The following CWC27 variants were observed in gnomAD, a reference collection of about 807,000 sequenced individuals.
CWC27 encodes the protein CWC27 spliceosome associated cyclophilin.
CWC27 carries 47 observed loss-of-function variants against 63.6 expected under a neutral mutation model. That is an observed-to-expected ratio of 0.74 (90% confidence interval 0.58 to 0.94). The LOEUF (loss-of-function observed/expected upper bound fraction) is 0.94. Among genes scored for constraint, CWC27 ranks in the 40% least tolerant of loss-of-function variants. CWC27 has a pLI of 0.00. For missense variants in CWC27, 495 were observed against 554.3 expected (o/e 0.89, Z 1.07); for synonymous variants, 175 against 179.8 (o/e 0.97, Z 0.22).
chr5:64,782,723 G>A (rs1743745051), intron 3 of CWC27, among the ~76,000 whole-genome samples: 1 of 152,098 alleles, frequency 6.6e-6, no homozygotes, highest in African/African-American at 2.4e-5. Flanking sequence ...TATATTAAGG[G>A]AATAGATTGC....
intron 10 of CWC27, among the ~76,000 whole-genome samples, chr5:64,867,150 A>C (rs112963114): frequency 0.03 from 4,524 of 152,184 alleles, 87 homozygotes; most frequent in Non-Finnish European, 0.049. Context: ...CCTCCTTTTC[A>C]CATATAAGAA....
intron 11 of CWC27, among the ~76,000 whole-genome samples, chr5:64,896,251 C>G (rs553270057): frequency 6.6e-6 from 1 of 152,078 alleles, no homozygotes; most frequent in African/African-American, 2.4e-5. Context: ...CAAACAAAAG[C>G]TGAAAAACAT....
chr5:64,808,611 G>A (rs1744771710), intron 10 of CWC27: 1 of 152,398 alleles, frequency 6.6e-6, no homozygotes, highest in Non-Finnish European at 1.5e-5. Context: ...ATTTTCAATA[G>A]GGATTTATTG....
At chr5:64,944,016 G>A (rs2112417854) in intron 11 of CWC27, among the ~76,000 whole-genome samples, 2 of 152,012 alleles carry the variant, frequency 1.3e-5, no homozygotes, top group Middle Eastern at 6.8e-3. Context: ...GTAGTCTTAG[G>A]TCAACTCCTC....
At chr5:64,880,976 G>A (rs1360793557) in intron 10 of CWC27, among the ~76,000 whole-genome samples, 2 of 150,612 alleles carry the variant, frequency 1.3e-5, no homozygotes, top group Non-Finnish European at 3.0e-5. Flanking sequence ...TATACTCCAA[G>A]CTTACAATTT....
At chr5:64,967,088 T>C (rs1440202213) in intron 11 of CWC27, among the ~76,000 whole-genome samples, 3 of 152,092 alleles carry the variant, frequency 2.0e-5, no homozygotes, top group Admixed American at 1.3e-4. Flanking sequence ...TTCTATTTGC[T>C]ATTTCATGTT....
intron 10 of CWC27, among the ~76,000 whole-genome samples, chr5:64,828,086 G>A (rs750749775): frequency 1.3e-5 from 2 of 152,042 alleles, no homozygotes; most frequent in Non-Finnish European, 2.9e-5. Flanking sequence ...TATCCCTCTT[G>A]GATAAGGCAG....
At chr5:64,955,405 C>A (rs988862500) in intron 11 of CWC27, among the ~76,000 whole-genome samples, 11 of 152,176 alleles carry the variant, frequency 7.2e-5, no homozygotes, top group African/African-American at 2.7e-4. Flanking sequence ...ATTTTTTCCA[C>A]TGTAAAACTG....
intron 10 of CWC27, among the ~76,000 whole-genome samples, chr5:64,845,281 G>A (rs1027716947): frequency 6.6e-6 from 1 of 152,176 alleles, no homozygotes; most frequent in African/African-American, 2.4e-5. Context: ...TAGAAGAGGG[G>A]GCTTTCTCCT....
At chr5:64,941,371 G>A (rs1018133886) in intron 11 of CWC27, among the ~76,000 whole-genome samples, 1 of 152,032 alleles carries the variant, frequency 6.6e-6, no homozygotes. Context: ...TTTAGTCTTT[G>A]CCCCTTTCCA....
intron 11 of CWC27, among the ~76,000 whole-genome samples, chr5:64,932,089 A>T (rs540734378): frequency 6.6e-6 from 1 of 152,094 alleles, no homozygotes; most frequent in African/African-American, 2.4e-5. Flanking sequence ...CTCCTAAGTG[A>T]TTTATATGTA....
intron 11 of CWC27, among the ~76,000 whole-genome samples, chr5:64,962,855 A>G (rs1748942706): frequency 6.6e-6 from 1 of 152,206 alleles, no homozygotes; most frequent in Non-Finnish European, 1.5e-5. Flanking sequence ...AGATTAGAAA[A>G]CACATAAATA....
intron 3 of CWC27, among the ~76,000 whole-genome samples, chr5:64,782,484 T>TAAATAAATAAATA (rs1561403491): frequency 2.7e-5 from 1 of 36,768 alleles, no homozygotes; most frequent in African/African-American, 7.7e-5. Context: ...ATAAATAAAT[T>TAAATAAATAAATA]GTCTGTAAAA....
At chr5:64,955,283 A>T (rs1748783971) in intron 11 of CWC27, among the ~76,000 whole-genome samples, 1 of 152,170 alleles carries the variant, frequency 6.6e-6, no homozygotes, top group South Asian at 2.1e-4. Flanking sequence ...CAGTCCTGAG[A>T]AGTAGATTAA....
chr5:64,829,592 A>G (rs555353987), intron 10 of CWC27, among the ~76,000 whole-genome samples: 72 of 151,840 alleles, frequency 4.7e-4, no homozygotes, highest in African/African-American at 1.7e-3. Flanking sequence ...AATAACTTCA[A>G]TGCTGAGAAC....
At chr5:64,811,969 G>T (rs1580630330) in intron 10 of CWC27, among the ~76,000 whole-genome samples, 1 of 151,866 alleles carries the variant, frequency 6.6e-6, no homozygotes, top group Admixed American at 6.6e-5. Context: ...GAATTCTTAT[G>T]GAACTTTGGA....
At chr5:65,005,716 T>C (rs1749830021) in intron 13 of CWC27, among the ~76,000 whole-genome samples, 2 of 152,188 alleles carry the variant, frequency 1.3e-5, no homozygotes, top group South Asian at 4.1e-4. Flanking sequence ...TCTTAATTCC[T>C]AAAGAATCTG....
chr5:64,779,092 C>G (rs996631037), intron 2 of CWC27, among the ~76,000 whole-genome samples: 4 of 152,130 alleles, frequency 2.6e-5, no homozygotes, highest in Non-Finnish European at 5.9e-5. Context: ...ACAGTAGATA[C>G]TTGATAAATA....
chr5:64,970,918 G>A (rs983597050), intron 11 of CWC27, among the ~76,000 whole-genome samples: 1 of 150,984 alleles, frequency 6.6e-6, no homozygotes, highest in Non-Finnish European at 1.5e-5. Context: ...CTGGCTTATC[G>A]TTTGTCTTCC....
Sources: allele counts gnomAD v4.1 joint callset (sites outside exome capture counted in the v4.1 genomes callset), GRCh38; gene constraint gnomAD v4.1.1; transcripts MANE v1.5; gene names NCBI Gene and HGNC (gene_info 2026-07-23, HGNC 2026-07-21).